PTCHD1: variants seen among roughly 807,000 people sequenced by gnomAD.
PTCHD1 encodes the protein patched domain containing 1, also known as patched domain-containing protein 1.
PTCHD1 carries 3 observed loss-of-function variants against 34.6 expected under a neutral mutation model. The ratio of observed to expected loss-of-function variants is 0.09; its 90% CI spans 0.04 to 0.22. PTCHD1 has a LOEUF of 0.22. PTCHD1 is among the 10% of genes least tolerant of loss of function. The pLI, the probability that PTCHD1 is intolerant of heterozygous loss-of-function variation, is 1.00. For missense variants in PTCHD1, 504 were observed against 685.5 expected (o/e 0.74, Z 2.96); for synonymous variants, 305 against 283.1 (o/e 1.08, Z -0.77).
chrX:23,377,260 T>G (rs1245573174), intron 1 of PTCHD1, among the ~76,000 whole-genome samples: 1 of 112,624 alleles, frequency 8.9e-6, no homozygotes, highest in African/African-American at 3.2e-5. Flanking sequence ...CACTTAGGCA[T>G]GCTTTCAATA....
intron 1 of PTCHD1, among the ~76,000 whole-genome samples, chrX:23,375,737 C>A (rs1922399457): frequency 9.0e-6 from 1 of 111,673 alleles, no homozygotes; most frequent in South Asian, 3.8e-4. Context: ...AGTCTCTAGG[C>A]CTCAGTTGCA....
intron 1 of PTCHD1, among the ~76,000 whole-genome samples, chrX:23,345,396 G>C (rs1041010775): frequency 3.4e-4 from 38 of 112,083 alleles, no homozygotes; most frequent in Admixed American, 9.4e-5. Context: ...AAGCCCCCAG[G>C]GATATTGATG....
intron 1 of PTCHD1, among the ~76,000 whole-genome samples, chrX:23,354,094 T>C (rs1921728843): frequency 9.0e-6 from 1 of 110,943 alleles, no homozygotes; most frequent in African/African-American, 3.3e-5. Flanking sequence ...CCTCAGGTGG[T>C]TCAAATGGTC....
intron 1 of PTCHD1, 110 bp from the exon 2 acceptor site, chrX:23,379,481 T>A: frequency 1.2e-6 from 1 of 823,141 alleles, no homozygotes; most frequent in Non-Finnish European, 1.7e-6. Flanking sequence ...GATCTAGGTT[T>A]ATAACATTTG....
intron 1 of PTCHD1, among the ~76,000 whole-genome samples, chrX:23,373,407 CAT>C (rs1179975573): frequency 8.9e-6 from 1 of 112,919 alleles, no homozygotes; most frequent in Non-Finnish European, 1.9e-5. Context: ...ACCAGGCACA[CAT>C]GTGCAGAGGA....
At chrX:23,351,122 A>T in intron 1 of PTCHD1, 1 of 531,759 alleles carries the variant, frequency 1.9e-6, no homozygotes, top group East Asian at 3.6e-5. Flanking sequence ...TCAGGTCTTA[A>T]ATCTGGAGGA....
At chrX:23,352,126 G>C (rs1193299525) in intron 1 of PTCHD1, among the ~76,000 whole-genome samples, 1 of 112,030 alleles carries the variant, frequency 8.9e-6, no homozygotes, top group Non-Finnish European at 1.9e-5. Flanking sequence ...CATGGGCCTT[G>C]ATTTTCACAG....
Position 23,394,765 on chromosome X carries a change from A to G in PTCHD1, c.*580A>G, listed in dbSNP as rs1332804342. 1 of 114,238 alleles carries G rather than the reference A, an allele frequency of 8.8e-6. No homozygotes were observed. Among genetic ancestry groups the G allele is most frequent in the African/African-American group, 3.2e-5 (1 of 30,949 alleles). The allele number at this position is 114,238 out of a possible 1,213,427, so 9.4% of individuals were successfully genotyped here. ...AAGCAAGCCAGAGCCTTGGAAACTGATATGTGGTAGAGTGGCCATCACTCA... is the reference window on the plus strand; with the variant it reads ...AAGCAAGCCAGAGCCTTGGAAACTGGTATGTGGTAGAGTGGCCATCACTCA... On this transcript the variant is annotated 3_prime_UTR_variant, in exon 3 of 3. Coordinates refer to ENST00000379361, the MANE Select transcript of PTCHD1 (RefSeq NM_173495.3).
At chrX:23,369,210 G>A (rs1922219968) in intron 1 of PTCHD1, among the ~76,000 whole-genome samples, 1 of 111,740 alleles carries the variant, frequency 8.9e-6, no homozygotes, top group Non-Finnish European at 1.9e-5. Context: ...GCTTCTTTCT[G>A]AGGTTTCTGT....
intron 2 of PTCHD1, among the ~76,000 whole-genome samples, chrX:23,381,298 A>T (rs1922558680): frequency 8.9e-6 from 1 of 112,501 alleles, no homozygotes; most frequent in Non-Finnish European, 1.9e-5. Flanking sequence ...TCCATCTGTT[A>T]TCGAAAATGG....
chrX:23,370,534 A>G (rs1227741692), intron 1 of PTCHD1, among the ~76,000 whole-genome samples: 1 of 111,741 alleles, frequency 8.9e-6, no homozygotes, highest in African/African-American at 3.3e-5. Flanking sequence ...GTCCTATAAT[A>G]CGTTATTTTA....
At chrX:23,382,461 A>G (rs1772148394) in intron 2 of PTCHD1, among the ~76,000 whole-genome samples, 1 of 112,475 alleles carries the variant, frequency 8.9e-6, no homozygotes, top group African/African-American at 3.2e-5. Flanking sequence ...TCAACACAAA[A>G]CAGACCATGG....
chrX:23,334,871 C>G lies in PTCHD1; in HGVS notation c.-5C>G. ...GCCCTCCTCCCGCGCCCGCTCTGCT[C>G]TAGGATGCTGCGGCAGGTTCTGCAC... On this transcript the variant is annotated 5_prime_UTR_variant, in exon 1 of 3. Coordinates refer to ENST00000379361, the MANE Select transcript of PTCHD1 (RefSeq NM_173495.3). The G allele has an allele frequency of 2.5e-6, 3 of 1,188,345 alleles. No individual in the cohort carries two copies. Among genetic ancestry groups the G allele is most frequent in the Non-Finnish European group, 3.4e-6 (3 of 882,590 alleles).
In PTCHD1 at chrX:23,394,413, C is replaced by CACATAG. The variant is rs1922927681; in HGVS notation, c.*231_*232insTAGACA. 4.2e-6 allele frequency: 1 copy of CACATAG among 236,829 alleles called. No individual in the cohort carries two copies. Among genetic ancestry groups the CACATAG allele is most frequent in the Non-Finnish European group, 6.9e-6 (1 of 144,373 alleles). The allele number at this position is 236,829 out of a possible 1,213,427, so 19.5% of individuals were successfully genotyped here. A position where few individuals can be genotyped will look rare whatever the true frequency, so the allele number is the denominator to read the frequency against. ...ATGAGAATTCACACACACATAGACA[C>CACATAG]ACACACACACACACACACACACACA... On this transcript the variant is annotated 3_prime_UTR_variant, in exon 3 of 3. Transcript: ENST00000379361.
At chrX:23,355,594 G>T (rs1921782033) in intron 1 of PTCHD1, among the ~76,000 whole-genome samples, 1 of 112,615 alleles carries the variant, frequency 8.9e-6, no homozygotes, top group Admixed American at 9.4e-5. Context: ...CAGGGCTACT[G>T]CTATGTTCCA....
In PTCHD1 at chrX:23,404,016, C is replaced by T. The variant is rs950106500; in HGVS notation, c.*9831C>T. On this transcript the variant is annotated 3_prime_UTR_variant, in exon 3 of 3. Transcript: ENST00000379361. ...ACCATCCCACTGATGATTGGCAATT[C>T]CACCGTTCCTCTCCATCTGACCAGC... 5 of 112,094 alleles carry T rather than the reference C, an allele frequency of 4.5e-5. No individual in the cohort carries two copies. Among genetic ancestry groups the T allele is most frequent in the Non-Finnish European group, 7.5e-5 (4 of 53,220 alleles). The allele number at this position is 112,094 out of a possible 1,213,427, so 9.2% of individuals were successfully genotyped here.
At chrX:23,349,256 C>T (rs1395313792) in intron 1 of PTCHD1, among the ~76,000 whole-genome samples, 1 of 110,559 alleles carries the variant, frequency 9.0e-6, no homozygotes, top group Non-Finnish European at 1.9e-5. Flanking sequence ...ACAACAACAA[C>T]AAAAACAAAA....
At chrX:23,364,371 GACACACACACACACACAC>G (rs200572986) in intron 1 of PTCHD1, among the ~76,000 whole-genome samples, 4 of 91,951 alleles carry the variant, frequency 4.4e-5, no homozygotes, top group South Asian at 5.8e-4. Flanking sequence ...GAAGAGTGTA[GACACACACACACACACAC>G]ACACACACAC....
At chrX:23,361,239 G>C (rs1033372261) in intron 1 of PTCHD1, among the ~76,000 whole-genome samples, 12 of 111,473 alleles carry the variant, frequency 1.1e-4, no homozygotes, top group African/African-American at 3.6e-4. Context: ...GTCTAATATT[G>C]ACAGTGGGGT....
Sources: allele counts gnomAD v4.1 joint callset (sites outside exome capture counted in the v4.1 genomes callset), GRCh38; gene constraint gnomAD v4.1.1; transcripts MANE v1.5; gene names NCBI Gene and HGNC (gene_info 2026-07-23, HGNC 2026-07-21).